HERC5: variants seen among roughly 807,000 people sequenced by gnomAD.
The protein encoded by HERC5 is HECT and RLD domain containing E3 ubiquitin protein ligase 5.
HERC5 carries 99 observed loss-of-function variants against 119.6 expected under a neutral mutation model. That is an observed-to-expected ratio of 0.83 (90% CI 0.70 to 0.98). The LOEUF (loss-of-function observed/expected upper bound fraction) is 0.98, where lower values mean the gene tolerates loss of function less well. Ranked by LOEUF, HERC5 falls within the 50% of genes least tolerant of loss-of-function variation. The probability of loss-of-function intolerance (pLI) is 0.00; values close to 1 mark genes in which losing one functional copy is unlikely to be tolerated. For missense variants in HERC5, 1,267 were observed against 1,241.3 expected (o/e 1.02, Z -0.31); for synonymous variants, 478 against 445.9 (o/e 1.07, Z -0.91).
rs748806391 is a variant in HERC5, at chr4:88,494,138, CTTTAAGAT to C, written c.2278-23_2278-16del. On this transcript the variant is annotated intron_variant, in intron 17 of 22. Coordinates refer to ENST00000264350, the MANE Select transcript of HERC5 (RefSeq NM_016323.4). ...ATTGTACTGGTAAAAACTCATAATA[CTTTAAGAT>C]TTTTTTTTCGCTTTTCAGCCTAAAT... is the stretch of plus-strand genomic sequence containing the variant. 6 of 1,509,428 alleles carry C rather than the reference CTTTAAGAT, an allele frequency of 4.0e-6. No homozygotes were observed. The African/African-American group carries it at 8.4e-5, about 21-fold the overall frequency. The allele number at this position is 1,509,428 out of a possible 1,614,324, so 93.5% of individuals were successfully genotyped here.
At chr4:88,477,194 A>G (rs1281999692) in intron 12 of HERC5, among the ~76,000 whole-genome samples, 2 of 124,768 alleles carry the variant, frequency 1.6e-5, no homozygotes, top group African/African-American at 3.2e-5. Flanking sequence ...GTGAAACCCC[A>G]TCTCTACTAA....
Position 88,475,880 on chromosome 4 carries a change from C to G in HERC5, c.1432C>G (p.Pro478Ala). 6.2e-7 allele frequency: 1 copy of G among 1,614,046 alleles called. No individual in the cohort carries two copies. The highest frequency in any genetic ancestry group is 8.5e-7 in the Non-Finnish European group (1 of 1,179,982). The change falls in exon 12 of 23, where the codon CCA becomes GCA. Residue 478 changes from proline (P) to alanine (A), a missense_variant. Pro to Ala is a conservative substitution (Grantham distance 27). Coordinates refer to ENST00000264350, the MANE Select transcript of HERC5 (RefSeq NM_016323.4). ...CAAAGATAATCTGCTCAAAAGACTT[C>G]CATTTCATTCTCCACCCCAAGAAGC... ...CLKDNLLKRL[P>A]FHSPPQEALE...
At chr4:88,468,188 G>A (rs1740741640) in intron 7 of HERC5, among the ~76,000 whole-genome samples, 158 bp from the exon 8 acceptor site, 1 of 152,176 alleles carries the variant, frequency 6.6e-6, no homozygotes, top group Non-Finnish European at 1.5e-5. Flanking sequence ...CAAAGGATAT[G>A]TATTTCAGCT....
chr4:88,465,977 T>G (rs957735695), intron 6 of HERC5, among the ~76,000 whole-genome samples: 1 of 152,104 alleles, frequency 6.6e-6, no homozygotes, highest in Non-Finnish European at 1.5e-5. Flanking sequence ...TGTTTTTGTT[T>G]TTTCTGGTTT....
intron 3 of HERC5, among the ~76,000 whole-genome samples, 157 bp from the exon 4 acceptor site, chr4:88,461,978 G>A (rs1415429416): frequency 2.6e-5 from 4 of 152,196 alleles, no homozygotes; most frequent in Admixed American, 6.5e-5. Context: ...AGAAGATTCT[G>A]TGTTTTTCTG....
At chr4:88,504,179 CATTTTGTTCAGGAT>C in intron 20 of HERC5, 39 bp from the exon 21 acceptor site, 4 of 1,185,890 alleles carry the variant, frequency 3.4e-6, no homozygotes, top group Non-Finnish European at 4.8e-6. Context: ...AGCCCCTCAC[CATTTTGTTCAGGAT>C]ATTGCAGTAA....
At position 88,505,720 on chromosome 4, in the gene HERC5, A is replaced by G. The variant is rs371466879; in HGVS notation, c.2917A>G (p.Met973Val). 1 of 1,595,366 alleles carries G rather than the reference A, an allele frequency of 6.3e-7. No individual in the cohort carries two copies. The highest frequency in any genetic ancestry group is 1.1e-5 in the South Asian group (1 of 90,108). ...ACTACAAATGAAAGATTTAAATAAT[A>G]TGAAAATAACATTTTGCTGTCCTGA... The part of the protein sequence containing the change: ...DRLQMKDLNN[M>V]KITFCCPESW... The change falls in exon 23 of 23, where the codon ATG (methionine) becomes GTG (valine). Residue 973 changes from methionine (M) to valine (V), a missense_variant. Met to Val is a conservative substitution (Grantham distance 21). Coordinates refer to ENST00000264350, the MANE Select transcript of HERC5 (RefSeq NM_016323.4).
chr4:88,479,120 T>C lies in HERC5; in HGVS notation c.1583-233T>C, dbSNP rs557965598. 1.7e-4 allele frequency among the ~76,000 whole-genome samples: 26 copies of C among 151,968 alleles called. No individual in the cohort carries two copies. In the South Asian group the frequency reaches 3.5e-3, roughly 21 times the overall value. ...GGCCAACATGGTGAAACCTTGTCTC[T>C]ATAAAAATACAAAAATTAGCCGGGC... is the stretch of plus-strand genomic sequence containing the variant. On this transcript the variant is annotated intron_variant, in intron 12 of 22. Coordinates refer to ENST00000264350, the MANE Select transcript of HERC5 (RefSeq NM_016323.4).
intron 11 of HERC5, among the ~76,000 whole-genome samples, chr4:88,472,729 A>T (rs1740916105): frequency 6.6e-6 from 1 of 152,234 alleles, no homozygotes; most frequent in African/African-American, 2.4e-5. Flanking sequence ...GTCTGTACAC[A>T]AACACACATA....
chr4:88,495,607 T>C (rs958901794), intron 18 of HERC5, among the ~76,000 whole-genome samples: 6 of 152,140 alleles, frequency 3.9e-5, no homozygotes, highest in African/African-American at 1.4e-4. Flanking sequence ...AGTATTATTA[T>C]CATCCCTCTT....
intron 13 of HERC5, among the ~76,000 whole-genome samples, chr4:88,481,656 A>G (rs1424489353): frequency 6.6e-6 from 1 of 152,194 alleles, no homozygotes; most frequent in Non-Finnish European, 1.5e-5. Flanking sequence ...TAAATATTTT[A>G]GGCTTTATGA....
chr4:88,504,668 T>G (rs1742054395), intron 22 of HERC5, 71 bp downstream of exon 22: 1 of 878,468 alleles, frequency 1.1e-6, no homozygotes, highest in East Asian at 2.8e-5. Context: ...TCCTTTATGA[T>G]AAGTACCATT....
chr4:88,480,605 C>G (rs1741248395), intron 13 of HERC5, among the ~76,000 whole-genome samples: 1 of 152,126 alleles, frequency 6.6e-6, no homozygotes, highest in Non-Finnish European at 1.5e-5. Context: ...TTGTTCTTTA[C>G]TGGTAGTGAC....
chr4:88,476,970 C>T (rs2149095777), intron 12 of HERC5, among the ~76,000 whole-genome samples: 1 of 150,552 alleles, frequency 6.6e-6, no homozygotes, highest in East Asian at 2.0e-4. Context: ...ATTATCATAT[C>T]TAAGAAAATT....
intron 17 of HERC5, 43 bp from the exon 18 acceptor site, chr4:88,494,122 G>A: frequency 7.7e-7 from 1 of 1,304,064 alleles, no homozygotes; most frequent in Admixed American, 2.1e-5. Flanking sequence ...CATTGTACTG[G>A]TAAAAACTCA....
At chr4:88,460,409 A>G (rs1443165178) in intron 3 of HERC5, among the ~76,000 whole-genome samples, 1 of 152,254 alleles carries the variant, frequency 6.6e-6, no homozygotes, top group Admixed American at 6.5e-5. Flanking sequence ...TTTTTCAAGT[A>G]CGAAACAGTG....
In HERC5 at chr4:88,494,263, G is replaced by C; in HGVS notation, c.2376G>C (p.Leu792=). 1.2e-6 allele frequency: 2 copies of C among 1,613,610 alleles called. No individual in the cohort carries two copies. The highest frequency in any genetic ancestry group is 1.7e-6 in the Non-Finnish European group (2 of 1,179,848). The part of the protein sequence containing the change: ...NVANLPFPLA[L]FKKLLDQMPS... ...CCAACCTTCCTTTCCCACTGGCACT[G>C]TTTAAGAAACTTTTGGACCAAATGC... is the stretch of plus-strand genomic sequence containing the variant. The change falls in exon 18 of 23, where the codon CTG becomes CTC. Residue 792 remains leucine, a synonymous_variant. Transcript: ENST00000264350.
At chr4:88,499,818 C>G in intron 18 of HERC5, 108 bp from the exon 19 acceptor site, 1 of 748,130 alleles carries the variant, frequency 1.3e-6, no homozygotes. Flanking sequence ...GTGAACTATA[C>G]CTGACCTCAT....
chr4:88,464,831 C>T (rs1019879378), intron 6 of HERC5, among the ~76,000 whole-genome samples: 2 of 152,088 alleles, frequency 1.3e-5, no homozygotes, highest in African/African-American at 2.4e-5. Context: ...AGTGCGGTGG[C>T]GCAATCTCGG....
Sources: allele counts gnomAD v4.1 joint callset (sites outside exome capture counted in the v4.1 genomes callset), GRCh38; gene constraint gnomAD v4.1.1; transcripts MANE v1.5; gene names NCBI Gene and HGNC (gene_info 2026-07-23, HGNC 2026-07-21).